The following PTPRG variants were observed in gnomAD, a reference collection of about 807,000 sequenced individuals.
The protein encoded by PTPRG is receptor-type tyrosine-protein phosphatase gamma.
PTPRG carries 102 observed loss-of-function variants against 165.3 expected under a neutral mutation model. The observed-to-expected ratio is 0.62, with a 90% CI of 0.53 to 0.73. The LOEUF is 0.73. Ranked by LOEUF, PTPRG falls within the 30% of genes least tolerant of loss-of-function variation. PTPRG has a pLI of 0.00. For missense variants in PTPRG, 1,866 were observed against 1,861.4 expected (o/e 1.00, Z -0.05); for synonymous variants, 675 against 669.5 (o/e 1.01, Z -0.13).
chr3:61,819,000 G>A (rs545046044), intron 2 of PTPRG, among the ~76,000 whole-genome samples: 155 of 152,052 alleles, frequency 1.0e-3, no homozygotes, highest in African/African-American at 3.1e-3. Context: ...AGAAAGTATG[G>A]GTCATTCATG....
intron 4 of PTPRG, among the ~76,000 whole-genome samples, chr3:62,044,663 G>T (rs968356838): frequency 6.6e-6 from 1 of 152,004 alleles, no homozygotes; most frequent in African/African-American, 2.4e-5. Flanking sequence ...CTTAGCTGTG[G>T]CTATTAATAA....
intron 4 of PTPRG, among the ~76,000 whole-genome samples, chr3:62,042,276 C>T (rs981387717): frequency 2.6e-5 from 4 of 152,254 alleles, no homozygotes; most frequent in Middle Eastern, 3.4e-3. Context: ...CCATGCCCAG[C>T]GACAGGTATG....
intron 28 of PTPRG, among the ~76,000 whole-genome samples, chr3:62,283,476 A>G (rs1212906548): frequency 6.6e-6 from 1 of 152,138 alleles, no homozygotes; most frequent in Non-Finnish European, 1.5e-5. Flanking sequence ...TAAGAAGGAA[A>G]GGGTCATAGA....
intron 5 of PTPRG, among the ~76,000 whole-genome samples, chr3:62,082,716 C>T (rs929267065): frequency 1.3e-5 from 2 of 152,176 alleles, no homozygotes; most frequent in African/African-American, 4.8e-5. Flanking sequence ...GGGTCAGTCT[C>T]AGTGCTAAAA....
Position 61,989,642 on chromosome 3 carries a change from C to T in PTPRG, c.208C>T (p.His70Tyr), listed in dbSNP as rs752873025. ...TTCAACAGGTGCCTATGGTCCTGAG[C>T]ACTGGGTCACGTCTAGTGTCAGCTG... is the stretch of plus-strand genomic sequence containing the variant. ...WAYSGAYGPE[H>Y]WVTSSVSCGG... Residue 70 changes from histidine (H) to tyrosine (Y), a missense_variant, in exon 3 of 30, where the codon CAC (histidine) becomes TAC (tyrosine). This residue lies in a region of PTPRG where 408 missense variants were observed against 376.2 expected (regional missense o/e 1.08). Transcript: ENST00000474889. 5.0e-6 allele frequency: 8 copies of T among 1,613,898 alleles called. No individual in the cohort carries two copies. The Admixed American group carries it at 1.3e-4, about 27-fold the overall frequency.
At chr3:62,120,848 G>T (rs76643246) in intron 5 of PTPRG, among the ~76,000 whole-genome samples, 3 of 152,156 alleles carry the variant, frequency 2.0e-5, no homozygotes, top group African/African-American at 7.2e-5. Context: ...TGATTGACCT[G>T]TCTATAGCCA....
chr3:61,992,589 G>A (rs1245349064), intron 3 of PTPRG, among the ~76,000 whole-genome samples: 1 of 150,940 alleles, frequency 6.6e-6, no homozygotes, highest in Non-Finnish European at 1.5e-5. Flanking sequence ...GTGCAATCTC[G>A]GCTCACTGCA....
At chr3:61,856,939 C>G (rs1031709166) in intron 2 of PTPRG, among the ~76,000 whole-genome samples, 1 of 152,192 alleles carries the variant, frequency 6.6e-6, no homozygotes, top group African/African-American at 2.4e-5. Context: ...TGACTGCTGT[C>G]GCTCAAGCTG....
rs376739500 is a variant in PTPRG, at chr3:61,853,623, A to G, written c.190+104641A>G. Among the ~76,000 whole-genome samples the G allele has an allele frequency of 3.3e-5, 5 of 152,376 alleles. No individual in the cohort carries two copies. The East Asian group carries it at 5.8e-4, about 18-fold the overall frequency. On this transcript the variant is annotated intron_variant, in intron 2 of 29. Transcript: ENST00000474889. ...TGTTTCAGAACTGCACAGCTAAGCC[A>G]TTGCTACATTCCTGACCTATAGAGA...
intron 1 of PTPRG, among the ~76,000 whole-genome samples, chr3:61,687,854 CT>C (rs892598616): frequency 2.0e-5 from 3 of 152,082 alleles, no homozygotes; most frequent in Middle Eastern, 3.4e-3. Context: ...AGGATTATGA[CT>C]TTTTTTTGTT....
intron 2 of PTPRG, among the ~76,000 whole-genome samples, chr3:61,926,609 C>CTCCCTCCCTCCCTCCCTCCCTCCG (rs1335655029): frequency 1.1e-5 from 1 of 94,788 alleles, no homozygotes; most frequent in Non-Finnish European, 2.0e-5. Context: ...CCCTCCCTCC[C>CTCCCTCCCTCCCTCCCTCCCTCCG]TCCTTCCTTC....
At chr3:62,180,640 G>A (rs1005987416) in intron 8 of PTPRG, among the ~76,000 whole-genome samples, 28 of 152,162 alleles carry the variant, frequency 1.8e-4, no homozygotes, top group Admixed American at 2.0e-4. Context: ...TCCACCCAGC[G>A]TCCAAGATGC....
intron 28 of PTPRG, among the ~76,000 whole-genome samples, chr3:62,291,109 G>T (rs1456094969): frequency 6.6e-6 from 1 of 152,118 alleles, no homozygotes; most frequent in Non-Finnish European, 1.5e-5. Context: ...TAGATGGTCA[G>T]TATTCATAAA....
chr3:62,254,049 A>G lies in PTPRG; in HGVS notation c.2468-1075A>G, dbSNP rs1250547566. On this transcript the variant is annotated intron_variant, in intron 15 of 29. Transcript: ENST00000474889. The surrounding 1 kb of genome is among the most constrained non-coding windows in gnomAD (Gnocchi z 4.6). ...GCTCTCTCGAAAGAAAGAAGGAATG[A>G]CATAGTCAATGTTAACTGTCACCAG... Among the ~76,000 whole-genome samples, 1 of 152,230 alleles carries G rather than the reference A, an allele frequency of 6.6e-6. No homozygotes were observed. The highest frequency in any genetic ancestry group is 1.5e-5 in the Non-Finnish European group (1 of 68,034).
chr3:62,083,794 C>T (rs1409684374), intron 5 of PTPRG, among the ~76,000 whole-genome samples: 2 of 152,212 alleles, frequency 1.3e-5, no homozygotes, highest in Non-Finnish European at 2.9e-5. Context: ...ATGCTTTCAT[C>T]TACTTTCTCA....
intron 2 of PTPRG, among the ~76,000 whole-genome samples, chr3:61,987,499 G>GT (rs1350369519): frequency 6.6e-6 from 1 of 152,152 alleles, no homozygotes; most frequent in African/African-American, 2.4e-5. Context: ...TCAGGTATCT[G>GT]TTTTTACAAA....
intron 2 of PTPRG, among the ~76,000 whole-genome samples, chr3:61,790,611 T>G (rs566529234): frequency 2.6e-4 from 40 of 152,286 alleles, no homozygotes; most frequent in Middle Eastern, 3.4e-3. Context: ...TGTATACACA[T>G]GAGGAAGTAC....
chr3:61,980,217 C>G (rs1030092528), intron 2 of PTPRG, among the ~76,000 whole-genome samples: 2 of 152,194 alleles, frequency 1.3e-5, no homozygotes, highest in South Asian at 4.1e-4. Flanking sequence ...TGGGTTGCAT[C>G]TCTGACTTTT....
At chr3:62,059,334 G>C (rs992545368) in intron 4 of PTPRG, among the ~76,000 whole-genome samples, 1 of 152,110 alleles carries the variant, frequency 6.6e-6, no homozygotes, top group Non-Finnish European at 1.5e-5. Flanking sequence ...CTAGCAGTCA[G>C]CTTGAAAACA....
Sources: allele counts gnomAD v4.1 joint callset (sites outside exome capture counted in the v4.1 genomes callset), GRCh38; gene constraint gnomAD v4.1.1; regional missense constraint gnomAD v4.1.1; non-coding constraint Gnocchi (gnomAD v3.1); transcripts MANE v1.5; gene names NCBI Gene and HGNC (gene_info 2026-07-23, HGNC 2026-07-21).